Variants in TENM2 observed in about 807,000 individuals in gnomAD.
The protein encoded by TENM2 is teneurin-2.
In TENM2, 52 loss-of-function variants were observed where a neutral mutation model predicts 245.2. That is an observed-to-expected ratio of 0.21 (90% CI 0.17 to 0.27). The LOEUF (loss-of-function observed/expected upper bound fraction) is 0.27. Among genes scored for constraint, TENM2 ranks in the 10% least tolerant of loss-of-function variants. The probability of loss-of-function intolerance (pLI) is 1.00; values close to 1 mark genes in which losing one functional copy is unlikely to be tolerated. For synonymous variants in TENM2, 1,363 were observed against 1,438.9 expected, an observed-to-expected ratio of 0.95 and a Z score of 1.19; for missense variants, 3,046 against 3,666.8, an observed-to-expected ratio of 0.83 and a Z score of 4.37.
chr5:167,914,536 C>T (rs953785850), intron 3 of TENM2, among the ~76,000 whole-genome samples: 9 of 152,148 alleles, frequency 5.9e-5, no homozygotes, highest in Non-Finnish European at 1.2e-4. Flanking sequence ...GCTGATTGGT[C>T]GACTTAACCT....
chr5:168,162,834 C>T (rs574608114), intron 13 of TENM2, 77 bp downstream of exon 15: 43 of 1,505,502 alleles, frequency 2.9e-5, no homozygotes, highest in African/African-American at 2.3e-4. Flanking sequence ...CATTTTTCTT[C>T]GGAAAGACCT....
At chr5:167,132,388 G>A in the TENM2 span, among the ~76,000 whole-genome samples, 1 of 152,082 alleles carries the variant, frequency 6.6e-6, no homozygotes, top group Non-Finnish European at 1.5e-5. Flanking sequence ...GAAACACGGT[G>A]GCATTTGTGC....
intron 2 of TENM2, among the ~76,000 whole-genome samples, chr5:167,866,784 A>G (rs369560462): frequency 3.3e-5 from 5 of 152,358 alleles, no homozygotes; most frequent in African/African-American, 1.2e-4. Flanking sequence ...GAAGGAAACC[A>G]GTAAAGGGAA....
intron 1 of TENM2, among the ~76,000 whole-genome samples, chr5:167,311,934 T>A (rs1321826094): frequency 1.3e-5 from 2 of 152,174 alleles, no homozygotes; most frequent in Admixed American, 6.5e-5. Flanking sequence ...AATGTAGGGA[T>A]CTTATGTCAT....
At chr5:167,260,939 A>G in the TENM2 span, among the ~76,000 whole-genome samples, 3,550 of 152,306 alleles carry the variant, frequency 0.023, 127 homozygotes, top group African/African-American at 0.08. Context: ...CTTTACATGA[A>G]CTAGGTCTTT....
At chr5:167,554,411 T>G (rs1035328752) in intron 2 of TENM2, among the ~76,000 whole-genome samples, 18 of 152,220 alleles carry the variant, frequency 1.2e-4, no homozygotes, top group Non-Finnish European at 2.4e-4. Context: ...GATGCTTAGA[T>G]TCTGTGACCT....
chr5:168,134,329 C>T (rs1754852277), intron 12 of TENM2, among the ~76,000 whole-genome samples: 1 of 152,150 alleles, frequency 6.6e-6, no homozygotes, highest in Non-Finnish European at 1.5e-5. Context: ...CAGTGCCTAC[C>T]ATAAAGTAAG....
At chr5:167,862,406 C>T (rs1204148404) in intron 2 of TENM2, among the ~76,000 whole-genome samples, 1 of 152,258 alleles carries the variant, frequency 6.6e-6, no homozygotes, top group Non-Finnish European at 1.5e-5. Context: ...TCTCCATCCA[C>T]ATCTTTTTAG....
the TENM2 span, among the ~76,000 whole-genome samples, chr5:167,253,389 C>T: frequency 6.6e-6 from 1 of 151,916 alleles, no homozygotes; most frequent in South Asian, 2.1e-4. Flanking sequence ...AGAGCCACTG[C>T]CCCTGACTTG....
chr5:167,924,054 G>A (rs1238936247), intron 3 of TENM2, among the ~76,000 whole-genome samples: 1 of 152,196 alleles, frequency 6.6e-6, no homozygotes, highest in African/African-American at 2.4e-5. Flanking sequence ...GAGTGTCCAA[G>A]TCCCGGGTCT....
intron 2 of TENM2, among the ~76,000 whole-genome samples, chr5:167,577,163 A>G (rs943414064): frequency 6.6e-5 from 10 of 152,218 alleles, no homozygotes; most frequent in African/African-American, 2.4e-4. Context: ...TTCAGGACCA[A>G]TGACCTCTAT....
intron 2 of TENM2, among the ~76,000 whole-genome samples, chr5:167,768,785 T>A (rs1358721598): frequency 6.6e-6 from 1 of 152,184 alleles, no homozygotes; most frequent in Non-Finnish European, 1.5e-5. Context: ...AGATAATAAA[T>A]GTAAAGCTCT....
intron 5 of TENM2, among the ~76,000 whole-genome samples, chr5:168,018,001 T>C (rs2569047): frequency 0.42 from 64,104 of 152,034 alleles, 14,990 homozygotes; most frequent in African/African-American, 0.63. Flanking sequence ...TTCCGGCCTC[T>C]GCACTTCCAC....
chr5:167,755,240 C>A, intron 2 of TENM2: 1 of 1,417,260 alleles, frequency 7.1e-7, no homozygotes, highest in Non-Finnish European at 9.8e-7. Flanking sequence ...AAGCACCTGT[C>A]CTCACTGACA....
the TENM2 span, among the ~76,000 whole-genome samples, chr5:167,215,986 C>T: frequency 8.3e-4 from 127 of 152,222 alleles, no homozygotes; most frequent in Middle Eastern, 0.014. Flanking sequence ...AGTGGTAGAA[C>T]CGTCTCCATA....
chr5:167,312,095 A>G (rs1480202797), intron 1 of TENM2, among the ~76,000 whole-genome samples: 1 of 152,214 alleles, frequency 6.6e-6, no homozygotes, highest in Non-Finnish European at 1.5e-5. Flanking sequence ...TCCCTTGACC[A>G]TATGCATATA....
At chr5:167,042,663 C>T in the TENM2 span, among the ~76,000 whole-genome samples, 1 of 152,080 alleles carries the variant, frequency 6.6e-6, no homozygotes, top group Non-Finnish European at 1.5e-5. Flanking sequence ...TTTTCCAAGA[C>T]AGTTTTGAGG....
At chr5:168,209,072 C>G (rs776990717) in intron 19 of TENM2, among the ~76,000 whole-genome samples, 4 of 152,008 alleles carry the variant, frequency 2.6e-5, no homozygotes, top group Admixed American at 2.6e-4. Context: ...ATTTCATTAT[C>G]TATAGAAAGA....
chr5:167,998,669 G>T (rs1482422159), intron 5 of TENM2, among the ~76,000 whole-genome samples: 1 of 150,348 alleles, frequency 6.7e-6, no homozygotes, highest in African/African-American at 2.4e-5. Flanking sequence ...TCAGATCTCT[G>T]CCAAACTAAA....
Sources: allele counts gnomAD v4.1 joint callset (sites outside exome capture counted in the v4.1 genomes callset), GRCh38; gene constraint gnomAD v4.1.1; transcripts MANE v1.5; gene names NCBI Gene and HGNC (gene_info 2026-07-23, HGNC 2026-07-21).